Variants in IQSEC1 observed in about 807,000 individuals in gnomAD.
IQSEC1 encodes the protein IQ motif and SEC7 domain-containing protein 1.
A neutral mutation model predicts 91.0 loss-of-function variants in IQSEC1; 31 were observed. The ratio of observed to expected loss-of-function variants is 0.34; its 90% CI spans 0.26 to 0.46. The LOEUF is 0.46. Among genes scored for constraint, IQSEC1 ranks in the 20% least tolerant of loss-of-function variants. The pLI is 1.00. For missense variants in IQSEC1, 1,388 were observed against 1,575.6 expected, an observed-to-expected ratio of 0.88 and a Z score of 2.02; for synonymous variants, 699 against 662.6, an observed-to-expected ratio of 1.05 and a Z score of -0.84.
chr3:13,245,895 CA>C (rs1433704192), intron 1 of IQSEC1, among the ~76,000 whole-genome samples: 1 of 152,108 alleles, frequency 6.6e-6, no homozygotes, highest in African/African-American at 2.4e-5. Context: ...TCACTCAACA[CA>C]CCCTTTGTGG....
rs143857704 is a variant in IQSEC1, at chr3:12,936,318, A to C, written c.698T>G (p.Val233Gly). Reference protein sequence around the residue: ...TELEDAFSRQVKSLAESIDDA... With the variant: ...TELEDAFSRQGKSLAESIDDA... Reference sequence around the variant, plus strand: ...GTCGATGGACTCGGCCAGTGATTTCACTTGCCTAGAGAAGGCGTCCTCCAG... The same window carrying C: ...GTCGATGGACTCGGCCAGTGATTTCCCTTGCCTAGAGAAGGCGTCCTCCAG... Residue 233 changes from valine (V) to glycine (G), a missense_variant, in exon 3 of 14, where the codon GTG becomes GGG. Physicochemically the swap from Val to Gly is moderately radical, Grantham distance 109 (BLOSUM62 -3). Coordinates refer to ENST00000613206, the MANE Select transcript of IQSEC1 (RefSeq NM_001134382.3). 1.9e-6 allele frequency: 3 copies of C among 1,611,508 alleles called. No individual in the cohort carries two copies. In the African/African-American group the frequency reaches 4.0e-5, roughly 22 times the overall value.
intron 1 of IQSEC1, among the ~76,000 whole-genome samples, chr3:13,232,845 A>G (rs1694860474): frequency 6.6e-6 from 1 of 152,170 alleles, no homozygotes; most frequent in South Asian, 2.1e-4. Context: ...ACACAACAAT[A>G]TGGATGAAGC....
chr3:13,123,595 C>T (rs930001361), intron 2 of IQSEC1, among the ~76,000 whole-genome samples: 1 of 152,210 alleles, frequency 6.6e-6, no homozygotes, highest in East Asian at 1.9e-4. Context: ...CTTTAGGTAC[C>T]CAAGTGCCAC....
chr3:13,104,958 T>G (rs1160952613), intron 2 of IQSEC1, among the ~76,000 whole-genome samples: 1 of 152,222 alleles, frequency 6.6e-6, no homozygotes, highest in Non-Finnish European at 1.5e-5. Flanking sequence ...CGAAGCCCAG[T>G]GTTTAACCTG....
Position 12,913,567 on chromosome 3 carries a change from G to C in IQSEC1, c.2191-14C>G, listed in dbSNP as rs916591017. 1.3e-6 allele frequency: 2 copies of C among 1,598,662 alleles called. No individual in the cohort carries two copies. Among genetic ancestry groups the C allele is most frequent in the South Asian group, 1.1e-5 (1 of 90,468 alleles). On this transcript the variant is annotated splice_polypyrimidine_tract_variant and intron_variant, in intron 8 of 13. Coordinates refer to ENST00000613206, the MANE Select transcript of IQSEC1 (RefSeq NM_001134382.3). ...CAGAGAGAGCACCTGTGTGGGAAGA[G>C]GCTGTCCTGCCACGGCCGCCCAGCT... is the stretch of plus-strand genomic sequence containing the variant.
intron 1 of IQSEC1, among the ~76,000 whole-genome samples, chr3:13,200,496 G>A (rs1366822414): frequency 2.6e-5 from 4 of 152,138 alleles, no homozygotes; most frequent in South Asian, 4.2e-4. Flanking sequence ...ACCTGAAAAG[G>A]GGACTTCCAT....
At chr3:12,913,007 C>A (rs1695716876) in intron 9 of IQSEC1, among the ~76,000 whole-genome samples, 1 of 152,260 alleles carries the variant, frequency 6.6e-6, no homozygotes, top group Non-Finnish European at 1.5e-5. Flanking sequence ...TGTGCAGCGA[C>A]AAGCGCTAAC....
chr3:13,078,853 A>C (rs1705603599), intron 2 of IQSEC1, among the ~76,000 whole-genome samples: 1 of 152,132 alleles, frequency 6.6e-6, no homozygotes, highest in South Asian at 2.1e-4. Context: ...CCTTGTGCCA[A>C]CCGCCCTTCT....
chr3:13,109,798 T>C (rs1706210597), intron 2 of IQSEC1, among the ~76,000 whole-genome samples: 1 of 152,050 alleles, frequency 6.6e-6, no homozygotes, highest in African/African-American at 2.4e-5. Flanking sequence ...AACCTTTTTT[T>C]TTTTTTAAAT....
intron 1 of IQSEC1, among the ~76,000 whole-genome samples, chr3:13,068,234 G>A (rs1705299915): frequency 6.6e-6 from 1 of 152,258 alleles, no homozygotes; most frequent in Non-Finnish European, 1.5e-5. Context: ...TCCTTTGGTG[G>A]AAGATGGTGG....
At chr3:13,075,285 G>A (rs1379472850), upstream of IQSEC1, among the ~76,000 whole-genome samples, 1 of 152,272 alleles carries the variant, frequency 6.6e-6, no homozygotes, top group Non-Finnish European at 1.5e-5. Flanking sequence ...AGCGCCCTAC[G>A]AAGTGAACAT....
In IQSEC1 at chr3:13,110,532, C is replaced by T. The variant is rs537062929; in HGVS notation, c.302+53572G>A. On this transcript the variant is annotated intron_variant, in intron 2 of 15. Coordinates refer to the IQSEC1 transcript ENST00000648114. ...TGAACCCGGGAGGCCGAGGTTGCAG[C>T]GAGCCGAGATCGCGCCATTGCACTC... 1.5e-4 allele frequency among the ~76,000 whole-genome samples: 23 copies of T among 152,218 alleles called. No individual in the cohort carries two copies. The East Asian group carries it at 3.7e-3, about 24-fold the overall frequency.
chr3:13,251,233 T>C (rs1459831650), intron 1 of IQSEC1, among the ~76,000 whole-genome samples: 16 of 152,156 alleles, frequency 1.1e-4, no homozygotes, highest in Admixed American at 9.2e-4. Context: ...CCATCTAACA[T>C]GCCAACACCA....
rs574254149 is a variant in IQSEC1 at position 12,910,090 on chromosome 3, G to A, written c.2417-656C>T. On this transcript the variant is annotated intron_variant, in intron 10 of 13. Transcript: ENST00000613206. Reference sequence around the variant, plus strand: ...TGTATATGCAGCCCATTACTGCCACGTGGGAACATGTGCCTAGTGACACCA... The same window carrying A: ...TGTATATGCAGCCCATTACTGCCACATGGGAACATGTGCCTAGTGACACCA... Among the ~76,000 whole-genome samples, 109 of 152,372 alleles carry A rather than the reference G, an allele frequency of 7.2e-4. No homozygotes were observed. In the Middle Eastern group the frequency reaches 0.014, roughly 19 times the overall value.
chr3:13,021,780 T>C (rs1367234350), intron 1 of IQSEC1, among the ~76,000 whole-genome samples: 1 of 152,216 alleles, frequency 6.6e-6, no homozygotes, highest in African/African-American at 2.4e-5. Flanking sequence ...ATGTAACACA[T>C]GCTGCACCTG....
intron 1 of IQSEC1, among the ~76,000 whole-genome samples, chr3:13,233,093 C>A (rs982859874): frequency 6.6e-6 from 1 of 152,062 alleles, no homozygotes; most frequent in Admixed American, 6.6e-5. Context: ...CTAATGCCAC[C>A]GCAATGTGCA....
At chr3:12,947,751 A>ACG (rs963453160) in intron 1 of IQSEC1, among the ~76,000 whole-genome samples, 1 of 152,222 alleles carries the variant, frequency 6.6e-6, no homozygotes, top group African/African-American at 2.4e-5. Flanking sequence ...AGAGCCCATC[A>ACG]CGTGCTAAGG....
intron 2 of IQSEC1, among the ~76,000 whole-genome samples, chr3:13,151,785 G>A (rs913874852): frequency 1.3e-5 from 2 of 152,266 alleles, no homozygotes; most frequent in African/African-American, 4.8e-5. Context: ...GACCAACATG[G>A]TGAAACCCTG....
chr3:12,901,445 A>G lies in IQSEC1; in HGVS notation c.2883T>C (p.Thr961=), dbSNP rs1304034609. ...TRECPSRPHQ[T]MPNSSSLLGS... ...CCAGGAGGGAAGATGAGTTGGGCAT[A>G]GTCTGGTGTGGGCGAGATGGACACT... Residue 961 remains threonine (T), a synonymous_variant, in exon 14 of 14, where the codon ACT becomes ACC. Coordinates refer to ENST00000613206, the MANE Select transcript of IQSEC1 (RefSeq NM_001134382.3). The G allele has an allele frequency of 2.6e-6, 4 of 1,548,792 alleles. No homozygotes were observed. The highest frequency in any genetic ancestry group is 3.5e-6 in the Non-Finnish European group (4 of 1,146,756).
Sources: gnomAD v4.1 joint callset for allele counts (sites outside exome capture counted in the v4.1 genomes callset) on GRCh38, gnomAD v4.1.1 for gene constraint, MANE v1.5 for transcripts, NCBI Gene and HGNC (gene_info 2026-07-23, HGNC 2026-07-21) for gene names.